The following TMC7 variants were observed in gnomAD, a reference collection of about 807,000 sequenced individuals.
TMC7 encodes transmembrane channel like 7, also known as transmembrane channel-like protein 7.
A neutral mutation model predicts 82.9 loss-of-function variants in TMC7; 54 were observed. The ratio of observed to expected loss-of-function variants is 0.65; its 90% CI spans 0.52 to 0.82. TMC7 has a LOEUF of 0.82. Among genes scored for constraint, TMC7 ranks in the 40% least tolerant of loss-of-function variants. TMC7 has a pLI of 0.00. For synonymous variants in TMC7, 350 were observed against 337.9 expected, an observed-to-expected ratio of 1.04 and a Z score of -0.39; for missense variants, 820 against 901.2, an observed-to-expected ratio of 0.91 and a Z score of 1.15.
chr16:19,001,999 C>A (rs1276969075), intron 1 of TMC7, among the ~76,000 whole-genome samples: 1 of 152,150 alleles, frequency 6.6e-6, no homozygotes, highest in Non-Finnish European at 1.5e-5. Flanking sequence ...GAACTCAGCA[C>A]CAAATACGGT....
intron 12 of TMC7, among the ~76,000 whole-genome samples, chr16:19,051,467 T>A (rs945036139): frequency 6.7e-6 from 1 of 150,132 alleles, no homozygotes; most frequent in African/African-American, 2.5e-5. Context: ...GTGTTCTCAT[T>A]GTTCAATTCC....
At chr16:18,991,740 C>T (rs368777865) in intron 1 of TMC7, among the ~76,000 whole-genome samples, 20 of 151,508 alleles carry the variant, frequency 1.3e-4, no homozygotes, top group South Asian at 8.3e-4. Context: ...CCCCCGTCCC[C>T]GCACCGCACA....
At chr16:19,018,899 G>A (rs1380517291) in intron 3 of TMC7, among the ~76,000 whole-genome samples, 3 of 152,078 alleles carry the variant, frequency 2.0e-5, no homozygotes, top group South Asian at 2.1e-4. Context: ...TGCCCAGGCC[G>A]GAGGGCAATG....
At chr16:19,054,360 G>A (rs1421783455) in intron 13 of TMC7, among the ~76,000 whole-genome samples, 2 of 152,044 alleles carry the variant, frequency 1.3e-5, no homozygotes, top group African/African-American at 4.8e-5. Context: ...TTGGGGAACT[G>A]GTTCCATGAT....
intron 5 of TMC7, among the ~76,000 whole-genome samples, chr16:19,029,098 C>T (rs113399181): frequency 0.019 from 2,871 of 151,638 alleles, 92 homozygotes; most frequent in African/African-American, 0.066. Flanking sequence ...ATCCGCCTCC[C>T]GGGTTCACAC....
chr16:19,044,941 G>T lies in TMC7; in HGVS notation c.1395G>T (p.Lys465Asn). The change falls in exon 10 of 16, where the codon AAG (lysine) becomes AAT (asparagine). Residue 465 changes from lysine (K) to asparagine (N), a missense_variant. Physicochemically the swap from Lys to Asn is moderately conservative, Grantham distance 94 (BLOSUM62 0). Coordinates refer to ENST00000304381, the MANE Select transcript of TMC7 (RefSeq NM_024847.4). ...ICVLVFTLGS[K>N]ITSCDDDTCD... ...TCCTGGTGTTCACGCTGGGCTCCAA[G>T]ATCACATCCTGTGATGATGACACAT... The T allele has an allele frequency of 6.2e-7, 1 of 1,614,008 alleles. No homozygotes were observed. The highest frequency in any genetic ancestry group is 8.5e-7 in the Non-Finnish European group (1 of 1,180,002).
chr16:18,991,357 G>T (rs187197799), intron 1 of TMC7, among the ~76,000 whole-genome samples: 22 of 152,314 alleles, frequency 1.4e-4, no homozygotes, highest in African/African-American at 4.6e-4. Context: ...GAGTGCCCAA[G>T]GGGGTTCAGC....
At position 19,035,722 on chromosome 16, in the gene TMC7, T is replaced by C. The variant is rs1960715020; in HGVS notation, c.904T>C (p.Phe302Leu). The C allele has an allele frequency of 1.2e-6, 2 of 1,613,966 alleles. No homozygotes were observed. Among genetic ancestry groups the C allele is most frequent in the Non-Finnish European group, 1.7e-6 (2 of 1,180,000 alleles). Reference sequence around the variant, plus strand: ...CAACCTGATTCGGAGTGAGGAGCACTTTCAGAGTTACTGCAACAAGATATT... The same window carrying C: ...CAACCTGATTCGGAGTGAGGAGCACCTTCAGAGTTACTGCAACAAGATATT... ...KINLIRSEEH[F>L]QSYCNKIFAG... Residue 302 changes from phenylalanine to leucine, a missense_variant, in exon 7 of 16, where the codon TTT (phenylalanine) becomes CTT (leucine). Phe to Leu is a conservative substitution (Grantham distance 22, BLOSUM62 0). Coordinates refer to ENST00000304381, the MANE Select transcript of TMC7 (RefSeq NM_024847.4).
In TMC7 at chr16:19,009,163, T is replaced by C; in HGVS notation, c.68-9T>C. 1 of 1,610,514 alleles carries C rather than the reference T, an allele frequency of 6.2e-7. No individual in the cohort carries two copies. Among genetic ancestry groups the C allele is most frequent in the Non-Finnish European group, 8.5e-7 (1 of 1,177,846 alleles). On this transcript the variant is annotated splice_polypyrimidine_tract_variant and intron_variant, in intron 1 of 15. Transcript: ENST00000304381. ...GGAGTGAATGATGACTTTCTTTTCT[T>C]TTACATAGAGAACCTCTCTCTAGAC... is the stretch of plus-strand genomic sequence containing the variant.
chr16:19,021,744 G>A lies in TMC7; in HGVS notation c.576G>A (p.Thr192=), dbSNP rs111625310. ...TGGTTTTGCTCCCAGTCTTACTCACGAAATACAAGATCACCAACAGCAGCT... is the reference window on the plus strand; with the variant it reads ...TGGTTTTGCTCCCAGTCTTACTCACAAAATACAAGATCACCAACAGCAGCT... ...FMLVLLPVLL[T]KYKITNSSFV... The change falls in exon 4 of 16, where the codon ACG becomes ACA. Residue 192 remains threonine (T), a synonymous_variant. Coordinates refer to ENST00000304381, the MANE Select transcript of TMC7 (RefSeq NM_024847.4). 5 of 1,613,940 alleles carry A rather than the reference G, an allele frequency of 3.1e-6. No individual in the cohort carries two copies. The highest frequency in any genetic ancestry group is 1.1e-5 in the South Asian group (1 of 91,086).
At chr16:19,020,597 G>T (rs1257640131) in intron 3 of TMC7, among the ~76,000 whole-genome samples, 2 of 152,166 alleles carry the variant, frequency 1.3e-5, no homozygotes, top group East Asian at 3.8e-4. Flanking sequence ...GCTGGGCGTG[G>T]TGGCTCACGC....
intron 6 of TMC7, 73 bp from the exon 7 acceptor site, chr16:19,035,603 C>G (rs1048335088): frequency 1.3e-6 from 2 of 1,589,306 alleles, no homozygotes; most frequent in Non-Finnish European, 1.7e-6. Flanking sequence ...TTTTAAGTTT[C>G]AGACACAGCC....
At chr16:18,986,540 G>T (rs550412348) in intron 1 of TMC7, among the ~76,000 whole-genome samples, 1 of 152,220 alleles carries the variant, frequency 6.6e-6, no homozygotes, top group East Asian at 1.9e-4. Flanking sequence ...GGGTGACAGA[G>T]CTAGACTCTG....
chr16:19,036,895 A>T (rs930266929), intron 7 of TMC7, among the ~76,000 whole-genome samples: 7 of 152,232 alleles, frequency 4.6e-5, no homozygotes, highest in Non-Finnish European at 8.8e-5. Flanking sequence ...CGAACTGATT[A>T]AATTATCCTA....
At position 19,038,024 on chromosome 16, in the gene TMC7, T is replaced by C. The variant is rs148734728; in HGVS notation, c.1156T>C (p.Phe386Leu). 3.5e-4 allele frequency: 568 copies of C among 1,613,840 alleles called. No homozygotes were observed. The highest frequency in any genetic ancestry group is 4.5e-4 in the Admixed American group (27 of 59,940). Residue 386 changes from phenylalanine to leucine, a missense_variant, in exon 8 of 16, where the codon TTC becomes CTC. Around this residue, in one of 2 missense-constraint regions of TMC7, gnomAD observed 650 missense variants for 669.9 expected, o/e 0.97. Transcript: ENST00000304381. ...CFYAIYVATVFSQEHMKKEID... is the reference protein window; with the variant it reads ...CFYAIYVATVLSQEHMKKEID... ...TTATGCAATATACGTAGCAACTGTC[T>C]TCTCGCAAGAGCACATGAAAAAGGT... is the stretch of plus-strand genomic sequence containing the variant.
rs770737086 is a variant in TMC7, at chr16:19,045,422, G to A, written c.1537G>A (p.Val513Met). 8.1e-6 allele frequency: 13 copies of A among 1,613,406 alleles called. No homozygotes were observed. Among genetic ancestry groups the A allele is most frequent in the South Asian group, 7.7e-5 (7 of 91,064 alleles). ...CATCATCTTGGCTGTGACACTCTTC[G>A]TGGATTTTCCTAGAAAGTAAGTGCG... Reference protein sequence around the residue: ...FIIILAVTLFVDFPRKLLVTY... With the variant: ...FIIILAVTLFMDFPRKLLVTY... Residue 513 changes from valine to methionine, a missense_variant, in exon 11 of 16, where the codon GTG becomes ATG. By Grantham distance (21) the Val-to-Met change is conservative. Coordinates refer to ENST00000304381, the MANE Select transcript of TMC7 (RefSeq NM_024847.4).
intron 6 of TMC7, chr16:19,033,792 G>A (rs894488010): frequency 9.9e-5 from 15 of 152,226 alleles, no homozygotes; most frequent in African/African-American, 2.9e-4. Flanking sequence ...GAGCCCACAT[G>A]AGACCTATCG....
intron 7 of TMC7, among the ~76,000 whole-genome samples, chr16:19,036,469 C>T (rs750377199): frequency 6.6e-6 from 1 of 151,872 alleles, no homozygotes; most frequent in Non-Finnish European, 1.5e-5. Flanking sequence ...GGTTGCACCA[C>T]TGCATTCCAG....
At chr16:18,992,163 A>C (rs1474580555) in intron 1 of TMC7, among the ~76,000 whole-genome samples, 1 of 152,154 alleles carries the variant, frequency 6.6e-6, no homozygotes, top group African/African-American at 2.4e-5. Flanking sequence ...ATCCCTGAGG[A>C]ATTGCCACAC....
Sources: gnomAD v4.1 joint callset for allele counts (sites outside exome capture counted in the v4.1 genomes callset) on GRCh38, gnomAD v4.1.1 for gene constraint, gnomAD v4.1.1 regional missense constraint, MANE v1.5 for transcripts, NCBI Gene and HGNC (gene_info 2026-07-23, HGNC 2026-07-21) for gene names.